The following SKAP1 variants were observed in gnomAD, a reference collection of about 807,000 sequenced individuals.
SKAP1 encodes the protein src kinase-associated phosphoprotein 1.
A neutral mutation model predicts 58.5 loss-of-function variants in SKAP1; 44 were observed. That is an observed-to-expected ratio of 0.75 (90% confidence interval 0.59 to 0.97). The LOEUF (loss-of-function observed/expected upper bound fraction) is 0.97, where lower values mean the gene tolerates loss of function less well. Among genes scored for constraint, SKAP1 ranks in the 50% least tolerant of loss-of-function variants. SKAP1 has a pLI of 0.00. For missense variants in SKAP1, 390 were observed against 435.2 expected (o/e 0.90, Z 0.92); for synonymous variants, 127 against 149.7 (o/e 0.85, Z 1.11).
chr17:48,274,451 C>T (rs2065673859), intron 4 of SKAP1, among the ~76,000 whole-genome samples: 1 of 151,942 alleles, frequency 6.6e-6, no homozygotes, highest in Admixed American at 6.6e-5. Context: ...AATCCCAGCA[C>T]TTTGGGAGGC....
At chr17:48,134,329 C>CT (rs922358025) in intron 12 of SKAP1, among the ~76,000 whole-genome samples, 8 of 151,446 alleles carry the variant, frequency 5.3e-5, no homozygotes, top group African/African-American at 1.9e-4. Flanking sequence ...AGGATAAATT[C>CT]TTTTTTTTAG....
intron 1 of SKAP1, among the ~76,000 whole-genome samples, chr17:48,405,459 TTTCTTTCC>T (rs2067568045): frequency 1.5e-5 from 1 of 65,872 alleles, no homozygotes; most frequent in Admixed American, 1.9e-4. Flanking sequence ...CTTTTCTTTC[TTTCTTTCC>T]TTCCTTCCTT....
At chr17:48,223,911 A>AGTGGT (rs2065033035) in intron 4 of SKAP1, among the ~76,000 whole-genome samples, 1 of 151,944 alleles carries the variant, frequency 6.6e-6, no homozygotes, top group African/African-American at 2.4e-5. Context: ...ACAATAAAAA[A>AGTGGT]GTATATAGGT....
At chr17:48,436,313 C>G in the SKAP1 span, among the ~76,000 whole-genome samples, 1 of 152,220 alleles carries the variant, frequency 6.6e-6, no homozygotes, top group Non-Finnish European at 1.5e-5. Context: ...CTCAGGTGAT[C>G]TGTCCACCTC....
chr17:48,415,701 C>T (rs1412322435), intron 1 of SKAP1, among the ~76,000 whole-genome samples: 3 of 152,114 alleles, frequency 2.0e-5, no homozygotes, highest in African/African-American at 2.4e-5. Context: ...CTACGTGGGG[C>T]CCCATTCCTG....
At chr17:48,314,246 T>C (rs1229816328) in intron 4 of SKAP1, among the ~76,000 whole-genome samples, 1 of 152,198 alleles carries the variant, frequency 6.6e-6, no homozygotes, top group Non-Finnish European at 1.5e-5. Flanking sequence ...TGACAGTCGA[T>C]TTTCCTTTAT....
intron 4 of SKAP1, among the ~76,000 whole-genome samples, chr17:48,206,569 C>A (rs1185018857): frequency 6.6e-6 from 1 of 151,784 alleles, no homozygotes; most frequent in Non-Finnish European, 1.5e-5. Context: ...TATGATATAA[C>A]CACACTCGAA....
intron 1 of SKAP1, among the ~76,000 whole-genome samples, chr17:48,397,249 G>A (rs1262712885): frequency 6.6e-6 from 1 of 152,102 alleles, no homozygotes; most frequent in African/African-American, 2.4e-5. Context: ...GGGGGGGGAT[G>A]GAGTCTCACT....
chr17:48,434,992 A>C (rs188182200), upstream of SKAP1, among the ~76,000 whole-genome samples: 132 of 152,172 alleles, frequency 8.7e-4, no homozygotes, highest in African/African-American at 2.4e-3. Context: ...AAATTCAAAA[A>C]TTTCAAAAAT....
chr17:48,186,786 T>C (rs915063479), intron 6 of SKAP1, among the ~76,000 whole-genome samples: 12 of 152,186 alleles, frequency 7.9e-5, no homozygotes, highest in African/African-American at 2.9e-4. Context: ...TGCAGTTCTT[T>C]CCACTACCTT....
At chr17:48,353,969 AAAGAAG>A (rs375700888) in intron 3 of SKAP1, among the ~76,000 whole-genome samples, 1 of 148,770 alleles carries the variant, frequency 6.7e-6, no homozygotes, top group African/African-American at 2.5e-5. Flanking sequence ...AGAGGAAGAA[AAAGAAG>A]AAGAAGAAGA....
intron 4 of SKAP1, among the ~76,000 whole-genome samples, chr17:48,271,767 A>C (rs190077967): frequency 2.1e-4 from 32 of 152,202 alleles, no homozygotes; most frequent in Non-Finnish European, 4.1e-4. Context: ...TACTTTCTCC[A>C]ATCTTCTGAT....
the SKAP1 span, among the ~76,000 whole-genome samples, chr17:48,436,699 C>G: frequency 6.6e-6 from 1 of 152,048 alleles, no homozygotes; most frequent in African/African-American, 2.4e-5. Flanking sequence ...AACTCTCATC[C>G]TTTCCTCTCC....
At chr17:48,151,195 G>A (rs185162875) in intron 11 of SKAP1, among the ~76,000 whole-genome samples, 33 of 151,680 alleles carry the variant, frequency 2.2e-4, no homozygotes, top group Admixed American at 1.7e-3. Flanking sequence ...ATAAAATACC[G>A]ATGGCATAGA....
intron 2 of SKAP1, among the ~76,000 whole-genome samples, chr17:48,383,244 C>A (rs1039354279): frequency 2.0e-5 from 3 of 152,166 alleles, no homozygotes; most frequent in African/African-American, 7.2e-5. Context: ...TTTACTCAAG[C>A]ACCCTCACTT....
chr17:48,216,455 T>C (rs1364047652), intron 4 of SKAP1, among the ~76,000 whole-genome samples: 3 of 152,046 alleles, frequency 2.0e-5, no homozygotes. Context: ...CTAAGTACCC[T>C]ATGTCCACTT....
intron 11 of SKAP1, among the ~76,000 whole-genome samples, chr17:48,159,058 C>T (rs2143255566): frequency 6.6e-6 from 1 of 152,244 alleles, no homozygotes; most frequent in South Asian, 2.1e-4. Context: ...TCTCACCTCC[C>T]CTTCTAGATC....
chr17:48,386,642 A>G (rs1272707869), intron 2 of SKAP1, among the ~76,000 whole-genome samples: 1 of 152,132 alleles, frequency 6.6e-6, no homozygotes, highest in Non-Finnish European at 1.5e-5. Flanking sequence ...TGTCTCCCCT[A>G]TAAAGTCGTG....
intron 3 of SKAP1, among the ~76,000 whole-genome samples, chr17:48,361,084 CTATACTAT>C (rs1412905495): frequency 6.7e-6 from 1 of 149,124 alleles, no homozygotes. Flanking sequence ...CTATACTATA[CTATACTAT>C]ACTATACTAT....
Sources: allele counts gnomAD v4.1 joint callset (sites outside exome capture counted in the v4.1 genomes callset), GRCh38; gene constraint gnomAD v4.1.1; transcripts MANE v1.5; gene names NCBI Gene and HGNC (gene_info 2026-07-23, HGNC 2026-07-21).